NRXN3: variants seen among roughly 807,000 people sequenced by gnomAD.
NRXN3 encodes neurexin III.
A neutral mutation model predicts 137.6 loss-of-function variants in NRXN3; 32 were observed. The ratio of observed to expected loss-of-function variants is 0.23; its 90% CI spans 0.18 to 0.31. The LOEUF (loss-of-function observed/expected upper bound fraction) is 0.31, where lower values mean the gene tolerates loss of function less well. Ranked by LOEUF, NRXN3 falls within the 10% of genes least tolerant of loss-of-function variation. NRXN3 has a pLI of 1.00. For missense variants in NRXN3, 1,574 were observed against 2,062.5 expected (o/e 0.76, Z 4.59); for synonymous variants, 798 against 784.5 (o/e 1.02, Z -0.29).
intron 19 of NRXN3, among the ~76,000 whole-genome samples, chr14:79,787,769 G>GTGTATATATATATA (rs1568252498): frequency 6.6e-6 from 1 of 151,868 alleles, no homozygotes. Context: ...TTGTGTGTGT[G>GTGTATATATATATA]TATATATATA....
At chr14:78,839,812 C>A (rs1184302658) in intron 10 of NRXN3, among the ~76,000 whole-genome samples, 1 of 152,216 alleles carries the variant, frequency 6.6e-6, no homozygotes, top group African/African-American at 2.4e-5. Context: ...CCCACCACAT[C>A]TGCATGCATA....
chr14:78,460,994 C>T (rs1321698312), intron 4 of NRXN3, among the ~76,000 whole-genome samples: 1 of 152,130 alleles, frequency 6.6e-6, no homozygotes, highest in Non-Finnish European at 1.5e-5. Flanking sequence ...TGGCATATGT[C>T]TAAATACTCT....
intron 4 of NRXN3, among the ~76,000 whole-genome samples, chr14:78,519,983 A>G (rs1424471632): frequency 6.6e-6 from 1 of 152,192 alleles, no homozygotes; most frequent in African/African-American, 2.4e-5. Flanking sequence ...AGAAGACCCA[A>G]GTTGTGGGAT....
At chr14:79,462,588 ATCAC>A (rs2096361429) in intron 15 of NRXN3, among the ~76,000 whole-genome samples, 1 of 150,672 alleles carries the variant, frequency 6.6e-6, no homozygotes, top group Non-Finnish European at 1.5e-5. Context: ...GAAACGATAG[ATCAC>A]TCACTTAATT....
chr14:79,521,454 T>C (rs1365442327), intron 16 of NRXN3, among the ~76,000 whole-genome samples: 1 of 152,124 alleles, frequency 6.6e-6, no homozygotes, highest in Non-Finnish European at 1.5e-5. Flanking sequence ...CTCCTCTCAG[T>C]CTCGACAAAT....
chr14:78,713,222 T>C (rs1258066184), intron 7 of NRXN3, among the ~76,000 whole-genome samples: 1 of 152,110 alleles, frequency 6.6e-6, no homozygotes, highest in Non-Finnish European at 1.5e-5. Context: ...TCTTCTACAA[T>C]CTCATTTGAT....
intron 6 of NRXN3, among the ~76,000 whole-genome samples, chr14:78,652,997 G>C (rs1322005659): frequency 6.6e-6 from 1 of 152,222 alleles, no homozygotes; most frequent in Non-Finnish European, 1.5e-5. Flanking sequence ...TTTTAGAGAA[G>C]GAGTGACATT....
intron 15 of NRXN3, among the ~76,000 whole-genome samples, chr14:79,443,701 C>T (rs985451823): frequency 6.6e-6 from 1 of 152,170 alleles, no homozygotes; most frequent in Admixed American, 6.5e-5. Context: ...AATGAGGAAT[C>T]TTTGGGGCAA....
chr14:79,730,174 G>A (rs552279432), intron 19 of NRXN3, among the ~76,000 whole-genome samples: 4 of 152,256 alleles, frequency 2.6e-5, no homozygotes, highest in African/African-American at 7.2e-5. Context: ...TAAAGGAATA[G>A]TGTTTTTGAC....
At chr14:79,084,857 A>G (rs889568164) in intron 15 of NRXN3, among the ~76,000 whole-genome samples, 2 of 152,134 alleles carry the variant, frequency 1.3e-5, no homozygotes, top group African/African-American at 2.4e-5. Context: ...GGCATTTTCT[A>G]CTGCATGGAT....
intron 8 of NRXN3, among the ~76,000 whole-genome samples, chr14:78,777,821 G>A (rs555347802): frequency 6.6e-6 from 1 of 152,202 alleles, no homozygotes; most frequent in South Asian, 2.1e-4. Context: ...GGAGTGCAGT[G>A]GCACCATCTC....
intron 4 of NRXN3, among the ~76,000 whole-genome samples, chr14:78,628,376 A>G (rs1240915456): frequency 1.3e-5 from 2 of 152,196 alleles, no homozygotes; most frequent in African/African-American, 4.8e-5. Flanking sequence ...CATGTTTTCA[A>G]AACAATTTTT....
intron 1 of NRXN3, among the ~76,000 whole-genome samples, chr14:78,225,772 C>T (rs928574342): frequency 6.6e-6 from 1 of 152,098 alleles, no homozygotes; most frequent in Non-Finnish European, 1.5e-5. Flanking sequence ...TTGTGGTTTT[C>T]CTTCTGCTGG....
At chr14:78,720,956 G>A (rs781340273) in intron 8 of NRXN3, among the ~76,000 whole-genome samples, 2 of 152,130 alleles carry the variant, frequency 1.3e-5, no homozygotes, top group African/African-American at 4.8e-5. Context: ...GTGAGCTGAT[G>A]AGGATATACA....
intron 15 of NRXN3, among the ~76,000 whole-genome samples, chr14:79,133,871 GTGAGCAGAGATCGTGC>G: frequency 6.6e-6 from 1 of 150,782 alleles, no homozygotes; most frequent in African/African-American, 2.4e-5. Flanking sequence ...GGAGCTTGCA[GTGAGCAGAGATCGTGC>G]TGCTGCACTC....
chr14:78,373,604 T>C lies in NRXN3; in HGVS notation c.757+75744T>C, dbSNP rs532271203. 7.2e-5 allele frequency among the ~76,000 whole-genome samples: 11 copies of C among 152,270 alleles called. No individual in the cohort carries two copies. The South Asian group carries it at 1.2e-3, about 17-fold the overall frequency. On this transcript the variant is annotated intron_variant, in intron 4 of 20. Coordinates refer to ENST00000335750, the MANE Select transcript of NRXN3 (RefSeq NM_001330195.2). ...GGGTGTCTCCTGGATGGAACATAGA[T>C]AGATAGTGCCTATTCCTTCCTCAAT...
intron 15 of NRXN3, among the ~76,000 whole-genome samples, chr14:79,207,595 T>C (rs1268842214): frequency 6.6e-6 from 1 of 152,180 alleles, no homozygotes; most frequent in African/African-American, 2.4e-5. Context: ...AAGATGAGCA[T>C]GTGGCATAAG....
chr14:79,558,988 C>CT (rs1340988866), intron 16 of NRXN3, among the ~76,000 whole-genome samples: 5 of 152,206 alleles, frequency 3.3e-5, no homozygotes, highest in African/African-American at 1.2e-4. Context: ...AAGCTTCCTA[C>CT]TTTTTTTTCC....
chr14:79,772,949 C>A (rs2099083777), intron 19 of NRXN3, among the ~76,000 whole-genome samples: 1 of 152,064 alleles, frequency 6.6e-6, no homozygotes, highest in South Asian at 2.1e-4. Flanking sequence ...CATACAACCC[C>A]ATCAAAAAGT....
Sources: gnomAD v4.1 joint callset for allele counts (sites outside exome capture counted in the v4.1 genomes callset) on GRCh38, gnomAD v4.1.1 for gene constraint, MANE v1.5 for transcripts, NCBI Gene and HGNC (gene_info 2026-07-23, HGNC 2026-07-21) for gene names.